PCDH15: variants seen among roughly 807,000 people sequenced by gnomAD.
The protein encoded by PCDH15 is protocadherin related 15.
A neutral mutation model predicts 178.5 loss-of-function variants in PCDH15; 129 were observed. The ratio of observed to expected loss-of-function variants is 0.72; its 90% CI spans 0.63 to 0.84. The LOEUF (loss-of-function observed/expected upper bound fraction) is 0.84, where lower values mean the gene tolerates loss of function less well. PCDH15 is among the 40% of genes least tolerant of loss of function. The pLI, the probability that PCDH15 is intolerant of heterozygous loss-of-function variation, is 0.00. For synonymous variants in PCDH15, 800 were observed against 732.0 expected (o/e 1.09, Z -1.50); for missense variants, 2,230 against 2,099.9 (o/e 1.06, Z -1.21).
chr10:54,208,623 C>A (rs939435741), intron 10 of PCDH15, among the ~76,000 whole-genome samples: 1 of 151,998 alleles, frequency 6.6e-6, no homozygotes, highest in African/African-American at 2.4e-5. Context: ...GTATGAAATT[C>A]CAGCCTCCGG....
intron 14 of PCDH15, among the ~76,000 whole-genome samples, chr10:54,140,527 G>A (rs1355551830): frequency 6.6e-6 from 1 of 151,648 alleles, no homozygotes; most frequent in African/African-American, 2.4e-5. Context: ...GGAGTGCAGT[G>A]GAGTGATCTC....
rs1589001954 is a variant in PCDH15 at position 53,833,877 on chromosome 10, T to G, written c.3984-2344A>C. On this transcript the variant is annotated intron_variant, in intron 29 of 37. Transcript: ENST00000644397. ...ATGGATACACTTCATGTTGTCAATT[T>G]AATTTTCACATGCCTTCTCATTTCA... Among the ~76,000 whole-genome samples, 4 of 152,232 alleles carry G rather than the reference T, an allele frequency of 2.6e-5. No individual in the cohort carries two copies. In the South Asian group the frequency reaches 8.3e-4, roughly 32 times the overall value.
At chr10:54,579,653 C>G (rs2090850532) in intron 2 of PCDH15, among the ~76,000 whole-genome samples, 1 of 152,008 alleles carries the variant, frequency 6.6e-6, no homozygotes, top group African/African-American at 2.4e-5. Context: ...TTACAGAGCA[C>G]TCTACCCATC....
chr10:55,192,516 C>G (rs1308401293), intron 1 of PCDH15, among the ~76,000 whole-genome samples: 2 of 151,774 alleles, frequency 1.3e-5, no homozygotes, highest in African/African-American at 4.8e-5. Context: ...ACTTTTCCTG[C>G]CTTTGATAAA....
chr10:55,575,501 A>G (rs1842479699), intron 2 of PCDH15: 1 of 152,192 alleles, frequency 6.6e-6, no homozygotes, highest in African/African-American at 2.4e-5. Context: ...CTGGAAAACA[A>G]CAAAAAATAA....
chr10:54,407,977 C>T (rs1268770355), intron 3 of PCDH15, among the ~76,000 whole-genome samples: 1 of 145,420 alleles, frequency 6.9e-6, no homozygotes, highest in Non-Finnish European at 1.5e-5. Context: ...ATCACTTGAA[C>T]CCGGGAGGTG....
intron 2 of PCDH15, among the ~76,000 whole-genome samples, chr10:54,620,829 A>G (rs79055739): frequency 0.034 from 5,164 of 152,130 alleles, 272 homozygotes; most frequent in African/African-American, 0.11. Flanking sequence ...TAAGGGACAT[A>G]TTATCCATAC....
chr10:54,069,841 C>G (rs1054103137), intron 17 of PCDH15, among the ~76,000 whole-genome samples: 5 of 152,052 alleles, frequency 3.3e-5, no homozygotes, highest in African/African-American at 4.8e-5. Flanking sequence ...CAAATGAAAA[C>G]AGATCACTTT....
intron 3 of PCDH15, among the ~76,000 whole-genome samples, chr10:54,854,027 G>A (rs772226694): frequency 6.6e-5 from 10 of 152,216 alleles, no homozygotes; most frequent in Non-Finnish European, 1.2e-4. Context: ...CCAAAGGCGA[G>A]TCAGGCATAG....
chr10:54,361,185 G>A (rs537355264), intron 5 of PCDH15, among the ~76,000 whole-genome samples: 20 of 152,076 alleles, frequency 1.3e-4, no homozygotes, highest in African/African-American at 4.8e-4. Flanking sequence ...ACCCACAGAG[G>A]TTTCACATCC....
At chr10:55,403,318 A>G (rs1838118279) in intron 2 of PCDH15, among the ~76,000 whole-genome samples, 1 of 151,728 alleles carries the variant, frequency 6.6e-6, no homozygotes, top group Non-Finnish European at 1.5e-5. Flanking sequence ...CCCATGTTAC[A>G]TGTGGTCTCT....
intron 3 of PCDH15, among the ~76,000 whole-genome samples, chr10:54,450,451 T>C (rs902193103): frequency 2.6e-5 from 4 of 151,610 alleles, no homozygotes; most frequent in Non-Finnish European, 5.9e-5. Context: ...CCAAATACGG[T>C]TTGTCATTTA....
intron 2 of PCDH15, among the ~76,000 whole-genome samples, chr10:55,601,503 T>C (rs1843076774): frequency 6.6e-6 from 1 of 152,112 alleles, no homozygotes; most frequent in South Asian, 2.1e-4. Context: ...CAGAATTATA[T>C]ACAAGACTAG....
intron 2 of PCDH15, among the ~76,000 whole-genome samples, chr10:55,536,580 T>C (rs1841582411): frequency 6.6e-6 from 1 of 152,146 alleles, no homozygotes; most frequent in South Asian, 2.1e-4. Context: ...GACATACGCA[T>C]ACAAGCATTT....
chr10:54,807,748 C>T (rs1952801109), intron 3 of PCDH15, among the ~76,000 whole-genome samples: 1 of 148,802 alleles, frequency 6.7e-6, no homozygotes, highest in Non-Finnish European at 1.5e-5. Flanking sequence ...TATGCATATA[C>T]TTATAATAGT....
At chr10:55,499,913 G>A (rs1455706310) in intron 2 of PCDH15, among the ~76,000 whole-genome samples, 5 of 151,522 alleles carry the variant, frequency 3.3e-5, no homozygotes, top group Non-Finnish European at 3.0e-5. Flanking sequence ...TTAATGCATC[G>A]AAATAATTAG....
intron 8 of PCDH15, among the ~76,000 whole-genome samples, chr10:54,264,557 A>G (rs1032236321): frequency 6.6e-6 from 1 of 152,168 alleles, no homozygotes; most frequent in Non-Finnish European, 1.5e-5. Flanking sequence ...TAGCTATATT[A>G]AGAAAGAGCC....
chr10:53,971,819 C>T (rs1388056047), intron 21 of PCDH15, among the ~76,000 whole-genome samples: 1 of 152,150 alleles, frequency 6.6e-6, no homozygotes, highest in East Asian at 1.9e-4. Flanking sequence ...ACATTCCATG[C>T]TCATGGATAC....
chr10:54,207,365 TG>T (rs1564682391), intron 10 of PCDH15, among the ~76,000 whole-genome samples: 9 of 23,942 alleles, frequency 3.8e-4, no homozygotes, highest in South Asian at 3.4e-3. Flanking sequence ...TGTTTTGTTT[TG>T]TGTGTGTGTG....
Sources: gnomAD v4.1 joint callset for allele counts (sites outside exome capture counted in the v4.1 genomes callset) on GRCh38, gnomAD v4.1.1 for gene constraint, MANE v1.5 for transcripts, NCBI Gene and HGNC (gene_info 2026-07-23, HGNC 2026-07-21) for gene names.